GRK5: variants seen among roughly 807,000 people sequenced by gnomAD.
GRK5 encodes the protein G protein-coupled receptor kinase 5.
In GRK5, 40 loss-of-function variants were observed where a neutral mutation model predicts 78.4. That is an observed-to-expected ratio of 0.51 (90% CI 0.40 to 0.66). The LOEUF is 0.66. Ranked by LOEUF, GRK5 falls within the 30% of genes least tolerant of loss-of-function variation. The pLI is 0.00. For synonymous variants in GRK5, 289 were observed against 296.8 expected, an observed-to-expected ratio of 0.97 and a Z score of 0.27; for missense variants, 598 against 759.9, an observed-to-expected ratio of 0.79 and a Z score of 2.50.
chr10:119,290,341 C>T (rs1228004127), intron 1 of GRK5, among the ~76,000 whole-genome samples: 18 of 109,914 alleles, frequency 1.6e-4, no homozygotes, highest in Middle Eastern at 4.3e-3. Context: ...AGCGAGATTC[C>T]GTCTCAAAAA....
At chr10:119,394,506 C>T (rs1325823703) in intron 3 of GRK5, among the ~76,000 whole-genome samples, 1 of 46,964 alleles carries the variant, frequency 2.1e-5, no homozygotes, top group African/African-American at 1.0e-4. Context: ...TGTCTGTGGG[C>T]ACGTGTGTGT....
intron 2 of GRK5, among the ~76,000 whole-genome samples, chr10:119,352,929 C>T (rs543512964): frequency 8.3e-4 from 127 of 152,324 alleles, no homozygotes; most frequent in African/African-American, 2.5e-3. Context: ...GTGGGCCACC[C>T]GGGCTCCGTC....
At chr10:119,326,436 G>A (rs1470409427) in intron 1 of GRK5, 80 bp from the exon 2 acceptor site, 2 of 1,151,682 alleles carry the variant, frequency 1.7e-6, no homozygotes, top group East Asian at 4.8e-5. Flanking sequence ...CTCAGCCCAG[G>A]AGGCTGGTGG....
rs972177145 is a variant in GRK5 at position 119,396,834 on chromosome 10, C to A, written c.339+62C>A. On this transcript the variant is annotated intron_variant, in intron 4 of 15. Coordinates refer to ENST00000392870, the MANE Select transcript of GRK5 (RefSeq NM_005308.3). ...GGAGGCCTTATGCAAAAATAGGAGCCCCTAAGTCTGTGCCAGGCCACATGG... is the reference window on the plus strand; with the variant it reads ...GGAGGCCTTATGCAAAAATAGGAGCACCTAAGTCTGTGCCAGGCCACATGG... 1.8e-5 allele frequency: 23 copies of A among 1,296,002 alleles called. 1 individual carries two copies. The South Asian group carries it at 2.6e-4, about 15-fold the overall frequency. The allele number at this position is 1,296,002 out of a possible 1,614,324, so 80.3% of individuals were successfully genotyped here. A position where few individuals can be genotyped will look rare whatever the true frequency, so the allele number is the denominator to read the frequency against.
intron 1 of GRK5, among the ~76,000 whole-genome samples, chr10:119,302,510 C>T (rs970029515): frequency 1.3e-5 from 2 of 152,204 alleles, no homozygotes; most frequent in African/African-American, 4.8e-5. Context: ...TTTTTCTTCG[C>T]AGGCTGCATA....
chr10:119,270,105 ATAT>A (rs1332154141), intron 1 of GRK5, among the ~76,000 whole-genome samples: 1 of 152,156 alleles, frequency 6.6e-6, no homozygotes, highest in Non-Finnish European at 1.5e-5. Context: ...TTGGGCATAA[ATAT>A]TACCTTCTTG....
chr10:119,448,449 C>T (rs10749321), intron 13 of GRK5, among the ~76,000 whole-genome samples, 189 bp downstream of exon 13: 52,858 of 152,150 alleles, frequency 0.35, 11,108 homozygotes, highest in Non-Finnish European at 0.45. Flanking sequence ...GCAGAAGAGG[C>T]GTGGGCCAGG....
chr10:119,221,048 C>A (rs147025840), intron 1 of GRK5, among the ~76,000 whole-genome samples: 8 of 145,598 alleles, frequency 5.5e-5, no homozygotes, highest in African/African-American at 1.8e-4. Flanking sequence ...CCCAGCTACT[C>A]GGGAGGCTGA....
rs554977657 is a variant in GRK5, at chr10:119,264,235, A to G, written c.52+56266A>G. ...GCTCAGTTCCAGCAAGGTGACTGTCATTAGGCAGATCTCTTTCCATTACAG... is the reference window on the plus strand; with the variant it reads ...GCTCAGTTCCAGCAAGGTGACTGTCGTTAGGCAGATCTCTTTCCATTACAG... On this transcript the variant is annotated intron_variant, in intron 1 of 15. Transcript: ENST00000392870. The surrounding 1 kb of genome is among the most constrained non-coding windows in gnomAD (Gnocchi z 4.1). Among the ~76,000 whole-genome samples, 2 of 152,352 alleles carry G rather than the reference A, an allele frequency of 1.3e-5. No homozygotes were observed. The highest frequency in any genetic ancestry group is 4.1e-4 in the South Asian group (2 of 4,826).
chr10:119,417,168 A>C (rs970213666), intron 4 of GRK5, among the ~76,000 whole-genome samples: 5 of 152,158 alleles, frequency 3.3e-5, no homozygotes, highest in Non-Finnish European at 5.9e-5. Flanking sequence ...TACCTCTGTA[A>C]TGCCACTGAG....
chr10:119,346,701 C>T (rs1339673160), intron 2 of GRK5, among the ~76,000 whole-genome samples: 1 of 152,160 alleles, frequency 6.6e-6, no homozygotes, highest in African/African-American at 2.4e-5. Context: ...GGCTGGCTGG[C>T]TCCTGGGCCT....
chr10:119,383,284 C>T (rs1004886295), intron 3 of GRK5, among the ~76,000 whole-genome samples: 1 of 152,182 alleles, frequency 6.6e-6, no homozygotes, highest in Non-Finnish European at 1.5e-5. Flanking sequence ...ATTCGGTTTC[C>T]GTTTTTGCAG....
rs61874542 is a variant in GRK5, at chr10:119,336,966, C to T, written c.148+10355C>T. Among the ~76,000 whole-genome samples, 83 of 152,248 alleles carry T rather than the reference C, an allele frequency of 5.5e-4. No individual in the cohort carries two copies. In the Middle Eastern group the frequency reaches 0.014, roughly 25 times the overall value. ...CGGAAGCTCCTTGAAAGAGAAGGCA[C>T]GAGCTCAGGCACATGCAAGATGCCC... On this transcript the variant is annotated intron_variant, in intron 2 of 15. Coordinates refer to ENST00000392870, the MANE Select transcript of GRK5 (RefSeq NM_005308.3). The surrounding 1 kb of genome is among the most constrained non-coding windows in gnomAD (Gnocchi z 4.5).
In GRK5 at chr10:119,393,023, G is replaced by A. The variant is rs138184378; in HGVS notation, c.262-3672G>A. Among the ~76,000 whole-genome samples, 288 of 152,338 alleles carry A rather than the reference G, an allele frequency of 1.9e-3. 1 individual carries two copies. The highest frequency in any genetic ancestry group is 6.4e-3 in the African/African-American group (265 of 41,578). Reference sequence around the variant, plus strand: ...GTTTCCAGGGTGGCCCCAGCCGTGTGGAGTGTGATCTGCCTTGAGCTCGGC... The same window carrying A: ...GTTTCCAGGGTGGCCCCAGCCGTGTAGAGTGTGATCTGCCTTGAGCTCGGC... On this transcript the variant is annotated intron_variant, in intron 3 of 15. Coordinates refer to ENST00000392870, the MANE Select transcript of GRK5 (RefSeq NM_005308.3).
In GRK5 at chr10:119,345,835, T is replaced by A. The variant is rs1851081052; in HGVS notation, c.148+19224T>A. 6.7e-5 allele frequency among the ~76,000 whole-genome samples: 10 copies of A among 149,886 alleles called. No individual in the cohort carries two copies. The South Asian group carries it at 2.1e-3, about 31-fold the overall frequency. Reference sequence around the variant, plus strand: ...CTTCTATTTAGGAGCTGTTTGACTTTTTTTTTTTTTTTAAACCTCTCTGAA... The same window carrying A: ...CTTCTATTTAGGAGCTGTTTGACTTATTTTTTTTTTTTAAACCTCTCTGAA... On this transcript the variant is annotated intron_variant, in intron 2 of 15. Transcript: ENST00000392870.
intron 1 of GRK5, among the ~76,000 whole-genome samples, chr10:119,303,310 A>T (rs1671390974): frequency 6.6e-6 from 1 of 152,206 alleles, no homozygotes; most frequent in Admixed American, 6.5e-5. Context: ...AGGATTAGAT[A>T]AGAGAATGAG....
chr10:119,250,455 G>A (rs1334424741), intron 1 of GRK5, among the ~76,000 whole-genome samples: 7 of 151,498 alleles, frequency 4.6e-5, no homozygotes, highest in Non-Finnish European at 8.8e-5. Flanking sequence ...GTGCAGTGGC[G>A]TCATCACAAC....
intron 2 of GRK5, among the ~76,000 whole-genome samples, chr10:119,348,975 A>C (rs1382572411): frequency 6.6e-6 from 1 of 152,122 alleles, no homozygotes; most frequent in African/African-American, 2.4e-5. Context: ...GCAGCAGGAG[A>C]CATCTTTTTA....
intron 4 of GRK5, among the ~76,000 whole-genome samples, chr10:119,418,181 C>T (rs1024548539): frequency 6.6e-6 from 1 of 151,658 alleles, no homozygotes; most frequent in Non-Finnish European, 1.5e-5. Flanking sequence ...TTTCCCATCC[C>T]AAGAGAGAGG....
Sources: gnomAD v4.1 joint callset for allele counts (sites outside exome capture counted in the v4.1 genomes callset) on GRCh38, gnomAD v4.1.1 for gene constraint, Gnocchi (gnomAD v3.1) non-coding constraint, MANE v1.5 for transcripts, NCBI Gene and HGNC (gene_info 2026-07-23, HGNC 2026-07-21) for gene names.